FOXN3: variants seen among roughly 807,000 people sequenced by gnomAD.
FOXN3 encodes the protein forkhead box N3.
FOXN3 carries 7 observed loss-of-function variants against 38.4 expected under a neutral mutation model. The ratio of observed to expected loss-of-function variants is 0.18; its 90% CI spans 0.10 to 0.34. The LOEUF (loss-of-function observed/expected upper bound fraction) is 0.34. Among genes scored for constraint, FOXN3 ranks in the 10% least tolerant of loss-of-function variants. The pLI is 1.00. For synonymous variants in FOXN3, 230 were observed against 242.2 expected, an observed-to-expected ratio of 0.95 and a Z score of 0.47; for missense variants, 456 against 613.4, an observed-to-expected ratio of 0.74 and a Z score of 2.71.
In FOXN3 at chr14:89,463,784, CTTT is replaced by C. The variant is rs33993052; in HGVS notation, c.-14-51297_-14-51295del. On this transcript the variant is annotated intron_variant, in intron 1 of 6. Coordinates refer to the FOXN3 transcript ENST00000345097. ...TATGCAGGGGTAGTGGTCTCTCTCT[CTTT>C]TTTTTTTTTTTTTTGAGATGGAGTT... Among the ~76,000 whole-genome samples, 162 of 138,644 alleles carry C rather than the reference CTTT, an allele frequency of 1.2e-3. No individual in the cohort carries two copies. The South Asian group carries it at 0.017, about 14-fold the overall frequency. 91.0% of individuals were successfully genotyped at this position (138,644 alleles called of 152,430 possible).
intron 4 of FOXN3, among the ~76,000 whole-genome samples, chr14:89,268,066 G>T (rs1886037433): frequency 6.6e-6 from 1 of 151,940 alleles, no homozygotes; most frequent in Admixed American, 6.6e-5. Flanking sequence ...AAACATATAT[G>T]CACCTACACA....
At chr14:89,252,992 C>CT (rs1217555978) in intron 4 of FOXN3, among the ~76,000 whole-genome samples, 1 of 152,124 alleles carries the variant, frequency 6.6e-6, no homozygotes, top group Non-Finnish European at 1.5e-5. Flanking sequence ...GCTCCGAGAG[C>CT]TTGGAAGGGG....
At chr14:89,566,949 G>A (rs535434094) in intron 1 of FOXN3, among the ~76,000 whole-genome samples, 1 of 151,490 alleles carries the variant, frequency 6.6e-6, no homozygotes, top group East Asian at 1.9e-4. Context: ...CCTCTAAGGT[G>A]GGAATAAGAG....
intron 1 of FOXN3, among the ~76,000 whole-genome samples, chr14:89,568,101 C>A (rs1318976568): frequency 1.3e-5 from 2 of 152,052 alleles, no homozygotes; most frequent in African/African-American, 4.8e-5. Flanking sequence ...CTCGCTGCCC[C>A]CCCAAATTTC....
chr14:89,248,692 C>A (rs1035137180), intron 4 of FOXN3, among the ~76,000 whole-genome samples: 1 of 152,198 alleles, frequency 6.6e-6, no homozygotes, highest in African/African-American at 2.4e-5. Context: ...ATCGACTTTA[C>A]CCATAGGAAT....
chr14:89,602,568 C>T (rs1308022347), intron 1 of FOXN3, among the ~76,000 whole-genome samples: 1 of 151,882 alleles, frequency 6.6e-6, no homozygotes, highest in African/African-American at 2.4e-5. Flanking sequence ...GCGATCTCGG[C>T]TCACTGCAAC....
intron 4 of FOXN3, among the ~76,000 whole-genome samples, chr14:89,253,238 GGGAGTGCTCACC>G: frequency 6.6e-6 from 1 of 152,336 alleles, no homozygotes; most frequent in East Asian, 1.9e-4. Context: ...TCCTTTTTCA[GGGAGTGCTCACC>G]GGCATCGCGG....
intron 4 of FOXN3, among the ~76,000 whole-genome samples, chr14:89,245,055 T>C (rs950508231): frequency 7.2e-5 from 11 of 152,254 alleles, no homozygotes; most frequent in African/African-American, 2.2e-4. Flanking sequence ...GAAGGCACAG[T>C]GGGTGCTGCT....
intron 3 of FOXN3, among the ~76,000 whole-genome samples, chr14:89,297,477 G>A (rs966922862): frequency 1.3e-5 from 2 of 151,516 alleles, no homozygotes; most frequent in South Asian, 2.1e-4. Context: ...AGAGAATGGC[G>A]TGAAACTGGG....
chr14:89,454,693 A>G (rs919357774), intron 1 of FOXN3, among the ~76,000 whole-genome samples: 2 of 152,220 alleles, frequency 1.3e-5, no homozygotes, highest in Non-Finnish European at 2.9e-5. Context: ...AACGAGGTAA[A>G]CTGAGTTGCT....
At chr14:89,436,431 A>G (rs773530833) in intron 1 of FOXN3, among the ~76,000 whole-genome samples, 4 of 152,202 alleles carry the variant, frequency 2.6e-5, no homozygotes, top group Non-Finnish European at 5.9e-5. Flanking sequence ...GTAGGGTCAC[A>G]TGTTAGGGTG....
intron 3 of FOXN3, among the ~76,000 whole-genome samples, chr14:89,300,157 T>A (rs1295804408): frequency 6.6e-6 from 1 of 151,852 alleles, no homozygotes; most frequent in African/African-American, 2.4e-5. Flanking sequence ...CTTTCAGGAT[T>A]TCAAGCGAGA....
intron 2 of FOXN3, among the ~76,000 whole-genome samples, chr14:89,397,973 T>C (rs1000280970): frequency 3.9e-5 from 6 of 152,198 alleles, no homozygotes; most frequent in Non-Finnish European, 8.8e-5. Context: ...GTCTGATGAC[T>C]CAAGGGACCT....
chr14:89,574,124 A>G (rs544491291), intron 1 of FOXN3, among the ~76,000 whole-genome samples: 1 of 152,306 alleles, frequency 6.6e-6, no homozygotes, highest in African/African-American at 2.4e-5. Context: ...AATTATCTCC[A>G]TGGCCACTGT....
chr14:89,333,765 A>C (rs1398302430), intron 3 of FOXN3, among the ~76,000 whole-genome samples: 12 of 149,440 alleles, frequency 8.0e-5, no homozygotes, highest in Admixed American at 4.7e-4. Flanking sequence ...AAAAAAAAAA[A>C]AAAAAAAAAA....
chr14:89,415,026 C>T (rs1891656245), intron 1 of FOXN3, among the ~76,000 whole-genome samples: 1 of 152,214 alleles, frequency 6.6e-6, no homozygotes, highest in Non-Finnish European at 1.5e-5. Context: ...CTTGGGGATA[C>T]AACAGAGTCT....
At position 89,199,293 on chromosome 14, in the gene FOXN3, G is replaced by T. The variant is rs1037476603; in HGVS notation, c.746-18487C>A. 5.3e-5 allele frequency among the ~76,000 whole-genome samples: 8 copies of T among 152,168 alleles called. No individual in the cohort carries two copies. In the East Asian group the frequency reaches 1.3e-3, roughly 26 times the overall value. On this transcript the variant is annotated intron_variant, in intron 4 of 5. Coordinates refer to ENST00000557258, the MANE Select transcript of FOXN3 (RefSeq NM_005197.4). ...ACAGGAGACAAAGTGACGCCAGTGA[G>T]CCCGGTGCACAAGCTTCTGATGAGC... is the stretch of plus-strand genomic sequence containing the variant.
chr14:89,346,379 T>C (rs905312416), intron 3 of FOXN3, among the ~76,000 whole-genome samples: 5 of 152,212 alleles, frequency 3.3e-5, no homozygotes, highest in African/African-American at 1.2e-4. Flanking sequence ...CATGTCTTCT[T>C]AGTCTCCTCT....
At chr14:89,360,753 ACCAC>A (rs1241640318) in intron 2 of FOXN3, among the ~76,000 whole-genome samples, 11 of 112,250 alleles carry the variant, frequency 9.8e-5, no homozygotes, top group East Asian at 2.9e-4. Flanking sequence ...CACCTCCACC[ACCAC>A]CTCCACCACT....
Sources: allele counts gnomAD v4.1 joint callset (sites outside exome capture counted in the v4.1 genomes callset), GRCh38; gene constraint gnomAD v4.1.1; transcripts MANE v1.5; gene names NCBI Gene and HGNC (gene_info 2026-07-23, HGNC 2026-07-21).